Variants in RIPOR3 observed in about 807,000 individuals in gnomAD.
The protein encoded by RIPOR3 is RIPOR family member 3.
A neutral mutation model predicts 114.3 loss-of-function variants in RIPOR3; 95 were observed. The observed-to-expected ratio is 0.83, with a 90% CI of 0.70 to 0.99. The LOEUF is 0.99. Among genes scored for constraint, RIPOR3 ranks in the 50% least tolerant of loss-of-function variants. The pLI is 0.00. For missense variants in RIPOR3, 1,252 were observed against 1,266.9 expected (o/e 0.99, Z 0.18); for synonymous variants, 575 against 543.8 (o/e 1.06, Z -0.80).
At chr20:50,664,909 C>T (rs1278588549) in intron 1 of RIPOR3, among the ~76,000 whole-genome samples, 3 of 151,772 alleles carry the variant, frequency 2.0e-5, no homozygotes, top group African/African-American at 4.8e-5. Flanking sequence ...TGAGACCAGC[C>T]TGGCCAACAT....
At chr20:50,687,334 G>A (rs1484957650) in intron 1 of RIPOR3, among the ~76,000 whole-genome samples, 3 of 152,236 alleles carry the variant, frequency 2.0e-5, no homozygotes, top group Admixed American at 6.5e-5. Context: ...GAGGAGTTTG[G>A]CTGCTGGTTT....
chr20:50,637,874 CA>C (rs1230643988), intron 1 of RIPOR3, among the ~76,000 whole-genome samples: 3 of 150,668 alleles, frequency 2.0e-5, no homozygotes, highest in South Asian at 2.1e-4. Context: ...GACTTCGTCT[CA>C]AAAAAAAATT....
At chr20:50,668,622 C>G (rs548043090) in intron 1 of RIPOR3, among the ~76,000 whole-genome samples, 1 of 152,262 alleles carries the variant, frequency 6.6e-6, no homozygotes, top group East Asian at 1.9e-4. Context: ...TTTGGGAGGT[C>G]AAGGCGGGCG....
chr20:50,589,822 T>C, intron 19 of RIPOR3, 53 bp from the exon 20 acceptor site: 1 of 1,543,066 alleles, frequency 6.5e-7, no homozygotes, highest in Non-Finnish European at 8.9e-7. Context: ...GTGGAGTCCA[T>C]GGTTCCGGGT....
intron 1 of RIPOR3, among the ~76,000 whole-genome samples, chr20:50,638,603 G>T (rs1323190513): frequency 6.6e-6 from 1 of 151,770 alleles, no homozygotes; most frequent in Non-Finnish European, 1.5e-5. Flanking sequence ...AGGCCACTGT[G>T]GGGTGGCTGT....
intron 1 of RIPOR3, among the ~76,000 whole-genome samples, chr20:50,672,520 C>A (rs2086550295): frequency 6.6e-6 from 1 of 152,188 alleles, no homozygotes; most frequent in Non-Finnish European, 1.5e-5. Flanking sequence ...CAGAGACAAA[C>A]CAACCAACAG....
rs145770120 is a variant in RIPOR3 at position 50,633,126 on chromosome 20, G to T, written c.4-2270C>A. Among the ~76,000 whole-genome samples, 300 of 152,280 alleles carry T rather than the reference G, an allele frequency of 2.0e-3. 1 individual carries two copies. The highest frequency in any genetic ancestry group is 7.0e-3 in the African/African-American group (289 of 41,550). ...AAATACAAAAAATTAGCCAGGCTTG[G>T]TGGCAGGCGCCTGTAATCCCAGCTA... On this transcript the variant is annotated intron_variant, in intron 1 of 21. Coordinates refer to ENST00000327979, the MANE Select transcript of RIPOR3 (RefSeq NM_001290268.2).
At chr20:50,603,919 T>C (rs940651093) in intron 12 of RIPOR3, among the ~76,000 whole-genome samples, 1 of 152,196 alleles carries the variant, frequency 6.6e-6, no homozygotes, top group African/African-American at 2.4e-5. Context: ...CGGTGGCTCA[T>C]GCCTGTAATC....
rs746189019 is a variant in RIPOR3, at chr20:50,610,940, T to C, written c.373-34A>G. 9 of 1,614,082 alleles carry C rather than the reference T, an allele frequency of 5.6e-6. No homozygotes were observed. In the South Asian group the frequency reaches 9.9e-5, roughly 18 times the overall value. ...GGAAAAAGGGAAGATGTTTGCAAAG[T>C]TGCCTGGGCCACCCACCTGCCCCGC... On this transcript the variant is annotated intron_variant, in intron 5 of 21. Transcript: ENST00000327979.
At chr20:50,681,190 A>C (rs1194460006) in intron 1 of RIPOR3, among the ~76,000 whole-genome samples, 1 of 137,218 alleles carries the variant, frequency 7.3e-6, no homozygotes. Flanking sequence ...GCACCACTGC[A>C]CTCCAGCCTG....
At chr20:50,677,843 T>C (rs1439516562) in intron 1 of RIPOR3, among the ~76,000 whole-genome samples, 13 of 151,988 alleles carry the variant, frequency 8.6e-5, no homozygotes, top group Admixed American at 7.9e-4. Flanking sequence ...CTAATTTTTG[T>C]ATTTTTAGTA....
At chr20:50,617,042 T>C (rs2084200959) in intron 3 of RIPOR3, among the ~76,000 whole-genome samples, 1 of 152,138 alleles carries the variant, frequency 6.6e-6, no homozygotes, top group African/African-American at 2.4e-5. Context: ...CTCGGGAGGC[T>C]GAAGCAGGAG....
In RIPOR3 at chr20:50,654,859, C is replaced by T. The variant is rs1600695643; in HGVS notation, c.4-24003G>A. On this transcript the variant is annotated intron_variant, in intron 1 of 21. Coordinates refer to ENST00000327979, the MANE Select transcript of RIPOR3 (RefSeq NM_001290268.2). ...TTCCCAAACTCAGGTGATTCTCCCA[C>T]CTCAACTCCCCGAGTAGCTGGGACT... is the stretch of plus-strand genomic sequence containing the variant. Among the ~76,000 whole-genome samples the T allele has an allele frequency of 2.6e-5, 4 of 152,308 alleles. 1 individual carries two copies. The highest frequency in any genetic ancestry group is 2.6e-4 in the Admixed American group (4 of 15,298).
At chr20:50,610,362 T>TC (rs1261131392) in intron 6 of RIPOR3, among the ~76,000 whole-genome samples, 1 of 152,074 alleles carries the variant, frequency 6.6e-6, no homozygotes, top group Non-Finnish European at 1.5e-5. Flanking sequence ...GCCTGGTTTT[T>TC]CAACAATGAA....
chr20:50,619,495 C>A (rs922434960), intron 3 of RIPOR3, among the ~76,000 whole-genome samples: 2 of 151,968 alleles, frequency 1.3e-5, no homozygotes, highest in Non-Finnish European at 2.9e-5. Context: ...GTGCAGGCCT[C>A]GGCCCAGCTC....
rs201129348 is a variant in RIPOR3, at chr20:50,610,839, A to T, written c.426+14T>A. 9.5e-5 allele frequency: 154 copies of T among 1,614,038 alleles called. No homozygotes were observed. Among genetic ancestry groups the T allele is most frequent in the Non-Finnish European group, 1.3e-4 (148 of 1,180,008 alleles). ...TGCCCCACCCCACCCTGCAACATCCACGAGCCAGCTGACCTTGCTGATGTG... is the reference window on the plus strand; with the variant it reads ...TGCCCCACCCCACCCTGCAACATCCTCGAGCCAGCTGACCTTGCTGATGTG... On this transcript the variant is annotated intron_variant, in intron 6 of 21. Coordinates refer to ENST00000327979, the MANE Select transcript of RIPOR3 (RefSeq NM_001290268.2).
intron 11 of RIPOR3, 104 bp downstream of exon 11, chr20:50,608,285 C>T: frequency 6.5e-7 from 1 of 1,526,912 alleles, no homozygotes; most frequent in Non-Finnish European, 8.9e-7. Context: ...AGGGCAGGGA[C>T]ACCCTTGGCA....
chr20:50,608,480 T>C lies in RIPOR3; in HGVS notation c.865A>G (p.Ile289Val). 1.9e-6 allele frequency: 3 copies of C among 1,613,926 alleles called. No individual in the cohort carries two copies. The highest frequency in any genetic ancestry group is 1.7e-4 in the Middle Eastern group (1 of 6,060). The change falls in exon 11 of 22, where the codon ATC (isoleucine) becomes GTC (valine). Residue 289 changes from isoleucine to valine, a missense_variant. Ile to Val is a conservative substitution (Grantham distance 29). Transcript: ENST00000327979. Reference protein sequence around the residue: ...SLAVGAVTCDIADFFTTRPQV... With the variant: ...SLAVGAVTCDVADFFTTRPQV... ...GGCCGCGTCGTGAAGAAGTCGGCGA[T>C]GTCACACGTCACTGCACCCACAGCC...
intron 11 of RIPOR3, among the ~76,000 whole-genome samples, chr20:50,607,123 G>C (rs1236809521): frequency 6.6e-6 from 1 of 152,146 alleles, no homozygotes; most frequent in African/African-American, 2.4e-5. Flanking sequence ...TGTTCAAAAT[G>C]CCAGGGACTT....
Sources: allele counts gnomAD v4.1 joint callset (sites outside exome capture counted in the v4.1 genomes callset), GRCh38; gene constraint gnomAD v4.1.1; transcripts MANE v1.5; gene names NCBI Gene and HGNC (gene_info 2026-07-23, HGNC 2026-07-21).